DAB1: variants seen among roughly 807,000 people sequenced by gnomAD.
The protein encoded by DAB1 is DAB adaptor protein 1.
In DAB1, 15 loss-of-function variants were observed where a neutral mutation model predicts 64.6. The ratio of observed to expected loss-of-function variants is 0.23; its 90% CI spans 0.16 to 0.36. DAB1 has a LOEUF of 0.36. Ranked by LOEUF, DAB1 falls within the 10% of genes least tolerant of loss-of-function variation. The pLI is 1.00. For synonymous variants in DAB1, 235 were observed against 251.9 expected (o/e 0.93, Z 0.64); for missense variants, 596 against 706.7 (o/e 0.84, Z 1.78).
chr1:58,124,920 C>T (rs568556407), intron 5 of DAB1, among the ~76,000 whole-genome samples: 3 of 152,264 alleles, frequency 2.0e-5, no homozygotes, highest in African/African-American at 4.8e-5. Flanking sequence ...TAGTATGAAG[C>T]AAACAACATG....
intron 4 of DAB1, among the ~76,000 whole-genome samples, chr1:58,296,257 GAAAGA>G (rs1661990006): frequency 7.2e-6 from 1 of 138,870 alleles, no homozygotes; most frequent in South Asian, 2.2e-4. Context: ...AAGAAAGAAA[GAAAGA>G]AAAGTGAGGC....
chr1:58,523,702 A>C (rs1010651661), intron 2 of DAB1, among the ~76,000 whole-genome samples: 2 of 152,158 alleles, frequency 1.3e-5, no homozygotes, highest in Non-Finnish European at 2.9e-5. Context: ...GATCGAGACC[A>C]TCCTGGCTAA....
rs180788776 is a variant in DAB1 at position 57,585,042 on chromosome 1, A to C, written n.625+64550T>G. Among the ~76,000 whole-genome samples, 3 of 151,142 alleles carry C rather than the reference A, an allele frequency of 2.0e-5. No individual in the cohort carries two copies. The East Asian group carries it at 5.8e-4, about 29-fold the overall frequency. The stretch of plus-strand genomic sequence containing the variant: ...AAGGTGGGCAGATCACAAGGTCAGG[A>C]GTTCGAGACCAGCCTGGCCAACATG... On this transcript the variant is annotated intron_variant and non_coding_transcript_variant, in intron 7 of 20. Coordinates refer to the DAB1 transcript ENST00000485760.
intron 6 of DAB1, among the ~76,000 whole-genome samples, chr1:57,814,450 T>C (rs1651762599): frequency 6.6e-6 from 1 of 152,178 alleles, no homozygotes; most frequent in Non-Finnish European, 1.5e-5. Flanking sequence ...AAATATATAT[T>C]CATTTGCCAC....
chr1:58,007,951 C>T (rs1646610780), intron 5 of DAB1, among the ~76,000 whole-genome samples: 1 of 152,134 alleles, frequency 6.6e-6, no homozygotes, highest in South Asian at 2.1e-4. Context: ...ATAATACCTA[C>T]ATAGTATAGA....
rs554963377 is a variant in DAB1, at chr1:57,227,849, G to C, written c.67+63115C>G. 7.2e-5 allele frequency among the ~76,000 whole-genome samples: 11 copies of C among 152,248 alleles called. No individual in the cohort carries two copies. In the East Asian group the frequency reaches 2.1e-3, roughly 29 times the overall value. On this transcript the variant is annotated intron_variant, in intron 2 of 14. Transcript: ENST00000371236. ...TAGGGTTACAGGCGTGAGCCACTGT[G>C]CCCAGCCAATAGGCAGGATCTTCCT...
chr1:57,701,196 A>C (rs894647262), intron 6 of DAB1, among the ~76,000 whole-genome samples: 4 of 152,030 alleles, frequency 2.6e-5, no homozygotes. Flanking sequence ...CAGCCATCCC[A>C]TTACTGGGTA....
At chr1:58,388,038 T>C (rs1045966539) in intron 3 of DAB1, among the ~76,000 whole-genome samples, 1 of 152,196 alleles carries the variant, frequency 6.6e-6, no homozygotes, top group Admixed American at 6.5e-5. Flanking sequence ...GGAGGGCATC[T>C]TAAGACAATT....
intron 5 of DAB1, among the ~76,000 whole-genome samples, chr1:58,040,074 A>G (rs758751919): frequency 1.3e-5 from 2 of 152,178 alleles, no homozygotes; most frequent in Admixed American, 6.6e-5. Context: ...AGCATCTCCA[A>G]CCAAATTAAT....
intron 6 of DAB1, among the ~76,000 whole-genome samples, chr1:57,723,133 T>C (rs961877988): frequency 2.0e-5 from 3 of 152,234 alleles, no homozygotes; most frequent in African/African-American, 7.2e-5. Context: ...ACTTGTCTAA[T>C]TTTCTAGTCA....
chr1:58,421,809 T>C (rs185401191), intron 3 of DAB1, among the ~76,000 whole-genome samples: 1 of 152,236 alleles, frequency 6.6e-6, no homozygotes, highest in Non-Finnish European at 1.5e-5. Context: ...AAGAGAGCGG[T>C]CTTCTCAGAT....
At chr1:58,526,329 A>G (rs1014751481) in intron 2 of DAB1, among the ~76,000 whole-genome samples, 1 of 152,120 alleles carries the variant, frequency 6.6e-6, no homozygotes, top group Non-Finnish European at 1.5e-5. Context: ...TAAATCCATA[A>G]AACTTATGAG....
chr1:58,523,637 C>T (rs570770609), intron 2 of DAB1, among the ~76,000 whole-genome samples: 2 of 152,208 alleles, frequency 1.3e-5, no homozygotes, highest in Admixed American at 6.5e-5. Flanking sequence ...CAGTGGCTCA[C>T]ACCTGTAATC....
intron 3 of DAB1, among the ~76,000 whole-genome samples, chr1:58,408,065 G>A (rs1056934433): frequency 5.9e-5 from 9 of 152,048 alleles, no homozygotes; most frequent in Admixed American, 2.0e-4. Flanking sequence ...CCTCAGCATC[G>A]CCTGAAATCA....
Position 57,816,300 on chromosome 1 carries a change from A to C in DAB1, n.551+67699T>G, listed in dbSNP as rs140282641. On this transcript the variant is annotated intron_variant and non_coding_transcript_variant, in intron 6 of 20. Transcript: ENST00000485760. ...CATCTCACTATGCCATGCAGCCGTC[A>C]TGACTCCCAGTGAGGTGCTCTTGCA... Among the ~76,000 whole-genome samples the C allele has an allele frequency of 1.5e-3, 226 of 152,340 alleles. 4 individuals carry two copies. The South Asian group carries it at 0.037, about 25-fold the overall frequency.
intron 5 of DAB1, among the ~76,000 whole-genome samples, chr1:58,148,778 C>CT (rs1296424741): frequency 6.6e-6 from 1 of 151,696 alleles, no homozygotes; most frequent in Non-Finnish European, 1.5e-5. Context: ...AAATCACACC[C>CT]CCCCCCCAAC....
chr1:57,531,832 C>G lies in DAB1; in HGVS notation n.625+117760G>C, dbSNP rs1415109399. ...TAATCCCACCATGGCTGATTCCATGCTACCAACAAGGATGTCACTAAATAT... is the reference window on the plus strand; with the variant it reads ...TAATCCCACCATGGCTGATTCCATGGTACCAACAAGGATGTCACTAAATAT... On this transcript the variant is annotated intron_variant and non_coding_transcript_variant, in intron 7 of 20. Coordinates refer to the DAB1 transcript ENST00000485760. Among the ~76,000 whole-genome samples, 6 of 152,064 alleles carry G rather than the reference C, an allele frequency of 3.9e-5. No individual in the cohort carries two copies. The East Asian group carries it at 7.7e-4, about 20-fold the overall frequency.
At chr1:57,131,693 T>C (rs1352190345) in intron 4 of DAB1, among the ~76,000 whole-genome samples, 7 of 152,194 alleles carry the variant, frequency 4.6e-5, no homozygotes, top group Admixed American at 4.6e-4. Context: ...AGGAATAAAT[T>C]ATTAAATCAG....
chr1:57,964,319 T>A (rs557297568), intron 5 of DAB1, among the ~76,000 whole-genome samples: 43 of 152,284 alleles, frequency 2.8e-4, no homozygotes, highest in Non-Finnish European at 4.4e-4. Context: ...TTTCTGGAAT[T>A]AAGTTAAGTG....
Sources: gnomAD v4.1 joint callset for allele counts (sites outside exome capture counted in the v4.1 genomes callset) on GRCh38, gnomAD v4.1.1 for gene constraint, MANE v1.5 for transcripts, NCBI Gene and HGNC (gene_info 2026-07-23, HGNC 2026-07-21) for gene names.